The following SLC4A4 variants were observed in gnomAD, a reference collection of about 807,000 sequenced individuals.
SLC4A4 encodes the protein electrogenic sodium bicarbonate cotransporter 1.
SLC4A4 carries 27 observed loss-of-function variants against 111.5 expected under a neutral mutation model. That is an observed-to-expected ratio of 0.24 (90% CI 0.18 to 0.33). SLC4A4 has a LOEUF of 0.33. Among genes scored for constraint, SLC4A4 ranks in the 10% least tolerant of loss-of-function variants. The probability of loss-of-function intolerance (pLI) is 1.00; values close to 1 mark genes in which losing one functional copy is unlikely to be tolerated. For synonymous variants in SLC4A4, 443 were observed against 463.4 expected (o/e 0.96, Z 0.57); for missense variants, 909 against 1,315.5 (o/e 0.69, Z 4.78).
chr4:71,338,958 T>C, intron 3 of SLC4A4: 1 of 862,198 alleles, frequency 1.2e-6, no homozygotes, highest in African/African-American at 1.7e-5. Flanking sequence ...ATCTCAGGAT[T>C]GGGGTACTTT....
chr4:71,094,687 A>C (rs1325811251), intron 2 of SLC4A4, among the ~76,000 whole-genome samples: 1 of 152,212 alleles, frequency 6.6e-6, no homozygotes, highest in Non-Finnish European at 1.5e-5. Context: ...AAAGTTCTCT[A>C]TTCCTTGTTT....
intron 16 of SLC4A4, among the ~76,000 whole-genome samples, chr4:71,516,640 A>T (rs1255362033): frequency 1.3e-5 from 2 of 152,134 alleles, no homozygotes; most frequent in African/African-American, 4.8e-5. Context: ...TTCAGATTGC[A>T]GCCGACTGTG....
intron 16 of SLC4A4, among the ~76,000 whole-genome samples, chr4:71,516,126 C>T (rs373690157): frequency 4.3e-4 from 43 of 99,262 alleles, no homozygotes; most frequent in African/African-American, 1.5e-3. Flanking sequence ...GATGGAGTCT[C>T]GCTCTGTCAC....
intron 3 of SLC4A4, among the ~76,000 whole-genome samples, chr4:71,298,888 A>T (rs1402553825): frequency 6.6e-6 from 1 of 152,174 alleles, no homozygotes; most frequent in Non-Finnish European, 1.5e-5. Context: ...TTATGTGCTC[A>T]TTCTTTCCAT....
At chr4:71,426,324 GT>G (rs908088340) in intron 7 of SLC4A4, among the ~76,000 whole-genome samples, 4 of 152,054 alleles carry the variant, frequency 2.6e-5, no homozygotes, top group African/African-American at 9.7e-5. Flanking sequence ...CATTTAGATG[GT>G]TGTGGGGCTT....
chr4:71,377,746 C>G (rs1009212967), intron 6 of SLC4A4, among the ~76,000 whole-genome samples: 2 of 152,176 alleles, frequency 1.3e-5, no homozygotes, highest in Non-Finnish European at 2.9e-5. Flanking sequence ...GTCATGGTGA[C>G]TCACAAGCTG....
At chr4:71,305,962 T>C (rs570475088) in intron 3 of SLC4A4, among the ~76,000 whole-genome samples, 2 of 152,380 alleles carry the variant, frequency 1.3e-5, no homozygotes, top group African/African-American at 4.8e-5. Context: ...TATTTATCTT[T>C]ATAGTAATAT....
At chr4:71,196,109 G>C (rs138479299) in intron 1 of SLC4A4, among the ~76,000 whole-genome samples, 2 of 152,316 alleles carry the variant, frequency 1.3e-5, no homozygotes, top group East Asian at 3.9e-4. Context: ...CACAGCTGCA[G>C]TGAGACATCA....
chr4:71,465,051 G>A (rs534708967), intron 12 of SLC4A4, among the ~76,000 whole-genome samples: 15 of 152,172 alleles, frequency 9.9e-5, no homozygotes, highest in African/African-American at 3.1e-4. Flanking sequence ...AGGTTAACTC[G>A]GAGGTTGAGG....
intron 13 of SLC4A4, among the ~76,000 whole-genome samples, chr4:71,472,254 T>C (rs1645389686): frequency 6.6e-6 from 1 of 151,918 alleles, no homozygotes; most frequent in South Asian, 2.1e-4. Flanking sequence ...ATTACATTTA[T>C]CGATTTGTTT....
chr4:71,110,135 G>A (rs1476690698), intron 2 of SLC4A4, among the ~76,000 whole-genome samples: 1 of 152,100 alleles, frequency 6.6e-6, no homozygotes, highest in East Asian at 1.9e-4. Flanking sequence ...GTCTGGGTGG[G>A]GAAACAGATT....
At chr4:71,151,194 G>C (rs188636215) in intron 2 of SLC4A4, among the ~76,000 whole-genome samples, 1 of 152,334 alleles carries the variant, frequency 6.6e-6, no homozygotes, top group East Asian at 1.9e-4. Context: ...CACAGCACTG[G>C]TAGACTGCGT....
At chr4:71,469,562 A>G (rs890774940) in intron 13 of SLC4A4, among the ~76,000 whole-genome samples, 1 of 151,874 alleles carries the variant, frequency 6.6e-6, no homozygotes, top group Non-Finnish European at 1.5e-5. Context: ...AATTCACCAT[A>G]ATTTCTTCTT....
intron 1 of SLC4A4, chr4:71,235,912 G>C (rs1014840053): frequency 4.0e-6 from 1 of 247,378 alleles, no homozygotes; most frequent in Non-Finnish European, 6.4e-6. Context: ...TGGGTGGCAT[G>C]TATCTGTGTG....
intron 2 of SLC4A4, among the ~76,000 whole-genome samples, chr4:71,116,977 A>G (rs1743285799): frequency 6.6e-6 from 1 of 151,100 alleles, no homozygotes; most frequent in Non-Finnish European, 1.5e-5. Context: ...AAAATTGTTT[A>G]TTTATTTATT....
At chr4:71,332,050 T>G (rs1417854437) in intron 3 of SLC4A4, among the ~76,000 whole-genome samples, 4 of 152,226 alleles carry the variant, frequency 2.6e-5, no homozygotes, top group Non-Finnish European at 5.9e-5. Context: ...TGATTTCATT[T>G]ATTTGGGTTC....
chr4:71,517,456 T>C (rs1389483510), intron 16 of SLC4A4, among the ~76,000 whole-genome samples: 1 of 152,116 alleles, frequency 6.6e-6, no homozygotes, highest in Admixed American at 6.5e-5. Context: ...ATAATTTCAT[T>C]TAAAATTTTG....
chr4:71,301,324 G>A, intron 3 of SLC4A4: 1 of 235,728 alleles, frequency 4.2e-6, no homozygotes, highest in South Asian at 5.3e-5. Context: ...GGATACTGAG[G>A]ATCAGAGTCA....
At chr4:71,122,189 G>A (rs976906222) in intron 2 of SLC4A4, among the ~76,000 whole-genome samples, 7 of 151,624 alleles carry the variant, frequency 4.6e-5, no homozygotes, top group South Asian at 2.1e-4. Flanking sequence ...CACCAATTCC[G>A]GACACACCAG....
Sources: gnomAD v4.1 joint callset for allele counts (sites outside exome capture counted in the v4.1 genomes callset) on GRCh38, gnomAD v4.1.1 for gene constraint, MANE v1.5 for transcripts, NCBI Gene and HGNC (gene_info 2026-07-23, HGNC 2026-07-21) for gene names.